PRR5L: variants seen among roughly 807,000 people sequenced by gnomAD.
PRR5L encodes the protein proline rich 5 like.
A neutral mutation model predicts 36.4 loss-of-function variants in PRR5L; 21 were observed. The ratio of observed to expected loss-of-function variants is 0.58; its 90% CI spans 0.41 to 0.83. The LOEUF (loss-of-function observed/expected upper bound fraction) is 0.83, where lower values mean the gene tolerates loss of function less well. Among genes scored for constraint, PRR5L ranks in the 40% least tolerant of loss-of-function variants. The pLI is 0.00. For synonymous variants in PRR5L, 188 were observed against 197.0 expected, an observed-to-expected ratio of 0.95 and a Z score of 0.38; for missense variants, 381 against 473.3, an observed-to-expected ratio of 0.80 and a Z score of 1.81.
intron 3 of PRR5L, among the ~76,000 whole-genome samples, chr11:36,407,522 G>A (rs572902965): frequency 6.6e-6 from 1 of 152,292 alleles, no homozygotes; most frequent in African/African-American, 2.4e-5. Flanking sequence ...GTTCTTACAA[G>A]GAGAGCCAGC....
At chr11:36,373,720 C>T (rs1202846949) in intron 1 of PRR5L, among the ~76,000 whole-genome samples, 2 of 152,050 alleles carry the variant, frequency 1.3e-5, no homozygotes, top group Non-Finnish European at 2.9e-5. Context: ...TTATGGCATG[C>T]TCGTATGTTG....
intron 1 of PRR5L, among the ~76,000 whole-genome samples, chr11:36,341,058 G>T (rs753686473): frequency 6.6e-6 from 1 of 152,104 alleles, no homozygotes; most frequent in African/African-American, 2.4e-5. Context: ...GATTCTCTCC[G>T]GGAAAGGCAG....
intron 4 of PRR5L, 47 bp downstream of exon 4, chr11:36,419,350 G>A (rs550589308): frequency 1.3e-6 from 2 of 1,543,224 alleles, no homozygotes; most frequent in East Asian, 2.2e-5. Context: ...GCATGTGGGG[G>A]CATGGACCTA....
chr11:36,302,968 A>G (rs563790366), intron 1 of PRR5L, among the ~76,000 whole-genome samples: 1 of 152,174 alleles, frequency 6.6e-6, no homozygotes, highest in Non-Finnish European at 1.5e-5. Context: ...CAAGGCACAG[A>G]AGAGTGAAGT....
At chr11:36,424,938 C>A (rs183344200) in intron 4 of PRR5L, among the ~76,000 whole-genome samples, 2 of 152,244 alleles carry the variant, frequency 1.3e-5, no homozygotes, top group East Asian at 3.9e-4. Flanking sequence ...TCTCCTGGCT[C>A]AGCTTCCTGA....
intron 1 of PRR5L, among the ~76,000 whole-genome samples, chr11:36,347,959 T>A (rs748891803): frequency 1.1e-4 from 16 of 152,124 alleles, no homozygotes; most frequent in Middle Eastern, 6.4e-3. Flanking sequence ...AAAAGAGCCA[T>A]AATAAGATTA....
At chr11:36,458,806 G>T (rs958752337) in intron 8 of PRR5L, among the ~76,000 whole-genome samples, 2 of 152,194 alleles carry the variant, frequency 1.3e-5, no homozygotes, top group Non-Finnish European at 2.9e-5. Flanking sequence ...TGGAAAGTGG[G>T]GTGTTCCCCC....
intron 1 of PRR5L, chr11:36,398,900 G>A (rs1210301987): frequency 6.6e-6 from 1 of 152,218 alleles, no homozygotes; most frequent in Admixed American, 6.5e-5. Flanking sequence ...GGAATGAGAG[G>A]CAGCTCCATT....
intron 1 of PRR5L, among the ~76,000 whole-genome samples, chr11:36,345,425 C>G (rs72950047): frequency 0.023 from 3,533 of 152,146 alleles, 79 homozygotes; most frequent in East Asian, 0.098. Flanking sequence ...CCTGGAGCTG[C>G]GGTTGTTAAC....
intron 1 of PRR5L, among the ~76,000 whole-genome samples, chr11:36,332,170 T>C (rs1440950849): frequency 6.6e-6 from 1 of 152,070 alleles, no homozygotes; most frequent in Non-Finnish European, 1.5e-5. Context: ...TCAATAACAA[T>C]AATAATTTAA....
intron 1 of PRR5L, among the ~76,000 whole-genome samples, chr11:36,327,356 G>A (rs1439317489): frequency 1.3e-5 from 2 of 152,082 alleles, no homozygotes; most frequent in South Asian, 2.1e-4. Context: ...CAACCAATCA[G>A]CATTAACATT....
intron 1 of PRR5L, among the ~76,000 whole-genome samples, chr11:36,310,447 C>A (rs1252567457): frequency 2.6e-5 from 4 of 151,338 alleles, no homozygotes; most frequent in Admixed American, 2.6e-4. Flanking sequence ...CACTCAGGAG[C>A]AGACCCTGAG....
intron 1 of PRR5L, among the ~76,000 whole-genome samples, chr11:36,315,725 G>A (rs956500155): frequency 3.3e-5 from 5 of 152,218 alleles, no homozygotes; most frequent in Non-Finnish European, 7.3e-5. Context: ...ATATGCATGA[G>A]CAGACTTTAG....
At chr11:36,395,378 CAT>C (rs1445344411) in intron 1 of PRR5L, among the ~76,000 whole-genome samples, 2 of 152,348 alleles carry the variant, frequency 1.3e-5, no homozygotes, top group East Asian at 3.9e-4. Flanking sequence ...TGTGTGTACA[CAT>C]GTGTGCAGCT....
intron 2 of PRR5L, 144 bp from the exon 3 acceptor site, chr11:36,403,154 A>T: frequency 1.6e-6 from 1 of 610,416 alleles, no homozygotes; most frequent in Non-Finnish European, 2.9e-6. Context: ...AAGGACACTG[A>T]GGAAATGGAG....
intron 1 of PRR5L, chr11:36,362,278 TC>T (rs1207987370): frequency 6.6e-6 from 1 of 152,004 alleles, no homozygotes; most frequent in Non-Finnish European, 1.5e-5. Context: ...CTGAAACGGA[TC>T]CCTCCCTTCC....
chr11:36,454,931 T>C (rs1590609812), intron 8 of PRR5L: 1 of 152,168 alleles, frequency 6.6e-6, no homozygotes, highest in South Asian at 2.1e-4. Context: ...AAGAGGATAG[T>C]GAAACTTTTT....
chr11:36,414,314 G>C (rs921114128), intron 3 of PRR5L, among the ~76,000 whole-genome samples: 3 of 149,438 alleles, frequency 2.0e-5, no homozygotes, highest in Non-Finnish European at 4.4e-5. Flanking sequence ...GGTTGAACTA[G>C]TTTACAGTCC....
At chr11:36,351,361 TAA>T in intron 1 of PRR5L, among the ~76,000 whole-genome samples, 2 of 88,022 alleles carry the variant, frequency 2.3e-5, no homozygotes, top group African/African-American at 4.7e-5. Context: ...TAAATATATA[TAA>T]ATATATATAC....
Sources: gnomAD v4.1 joint callset for allele counts (sites outside exome capture counted in the v4.1 genomes callset) on GRCh38, gnomAD v4.1.1 for gene constraint, MANE v1.5 for transcripts, NCBI Gene and HGNC (gene_info 2026-07-23, HGNC 2026-07-21) for gene names.